The following KCNMA1 variants were observed in gnomAD, a reference collection of about 807,000 sequenced individuals.
KCNMA1 encodes the protein Calcium-activated potassium channel subunit alpha-1.
KCNMA1 carries 29 observed loss-of-function variants against 140.0 expected under a neutral mutation model. That is an observed-to-expected ratio of 0.21 (90% CI 0.15 to 0.28). The LOEUF is 0.28. Ranked by LOEUF, KCNMA1 falls within the 10% of genes least tolerant of loss-of-function variation. KCNMA1 has a pLI of 1.00. For synonymous variants in KCNMA1, 612 were observed against 611.9 expected, an observed-to-expected ratio of 1.00 and a Z score of 0.00; for missense variants, 880 against 1,602.2, an observed-to-expected ratio of 0.55 and a Z score of 7.70.
chr10:76,887,519 G>T lies in KCNMA1; in HGVS notation c.3462-4C>A, dbSNP rs201426208. Reference sequence around the variant, plus strand: ...GGGCGGGTTGGTGATGACATACCTGGACAGGGAAAGCAGAGATGTCACCTC... The same window carrying T: ...GGGCGGGTTGGTGATGACATACCTGTACAGGGAAAGCAGAGATGTCACCTC... On this transcript the variant is annotated splice_polypyrimidine_tract_variant and splice_region_variant and intron_variant, in intron 27 of 27. Transcript: ENST00000286628. 6.2e-7 allele frequency: 1 copy of T among 1,614,096 alleles called. No individual in the cohort carries two copies. The highest frequency in any genetic ancestry group is 8.5e-7 in the Non-Finnish European group (1 of 1,180,000).
At chr10:77,435,461 A>G (rs995521323) in intron 1 of KCNMA1, among the ~76,000 whole-genome samples, 1 of 152,218 alleles carries the variant, frequency 6.6e-6, no homozygotes, top group Non-Finnish European at 1.5e-5. Flanking sequence ...GGAGACAGGC[A>G]AGGGTTAAGA....
chr10:77,419,061 A>C (rs113648877), intron 1 of KCNMA1, among the ~76,000 whole-genome samples: 5,277 of 152,170 alleles, frequency 0.035, 285 homozygotes, highest in African/African-American at 0.12. Flanking sequence ...CCACACTCTC[A>C]CCTGAAGACC....
intron 1 of KCNMA1, among the ~76,000 whole-genome samples, chr10:77,461,862 A>C (rs1264131441): frequency 2.6e-5 from 4 of 152,164 alleles, no homozygotes; most frequent in African/African-American, 4.8e-5. Flanking sequence ...CCCAGGGGAC[A>C]TGTCCTGTTC....
chr10:77,415,393 G>T (rs1055631742), intron 1 of KCNMA1, among the ~76,000 whole-genome samples: 1 of 152,190 alleles, frequency 6.6e-6, no homozygotes, highest in African/African-American at 2.4e-5. Context: ...CCCTGGCAGG[G>T]TCCAAGACAG....
chr10:77,368,855 G>A (rs1285742198), intron 2 of KCNMA1, among the ~76,000 whole-genome samples: 1 of 152,110 alleles, frequency 6.6e-6, no homozygotes, highest in Non-Finnish European at 1.5e-5. Flanking sequence ...ATTTGTTGTA[G>A]GTCTATTTTT....
intron 13 of KCNMA1, among the ~76,000 whole-genome samples, chr10:77,076,313 C>T (rs551061646): frequency 3.9e-5 from 6 of 152,196 alleles, no homozygotes; most frequent in African/African-American, 1.2e-4. Context: ...AGGAGTGATA[C>T]TTTTCCAAGA....
At chr10:77,562,335 C>T (rs61856148) in intron 1 of KCNMA1, among the ~76,000 whole-genome samples, 2 of 152,190 alleles carry the variant, frequency 1.3e-5, no homozygotes, top group African/African-American at 4.8e-5. Flanking sequence ...TTTCCACACC[C>T]ATTGAAGGCG....
intron 2 of KCNMA1, among the ~76,000 whole-genome samples, chr10:77,366,758 T>C (rs2154406647): frequency 6.6e-6 from 1 of 152,344 alleles, no homozygotes; most frequent in Non-Finnish European, 1.5e-5. Context: ...CCCTATCTCC[T>C]GCATGGAGTG....
chr10:77,289,603 T>C (rs1772386771), intron 2 of KCNMA1, among the ~76,000 whole-genome samples: 1 of 152,244 alleles, frequency 6.6e-6, no homozygotes, highest in African/African-American at 2.4e-5. Flanking sequence ...ATAAAGGATG[T>C]ATATTTGCTT....
rs748023022 is a variant in KCNMA1, at chr10:76,887,235, C to T, written c.*31G>A. The T allele has an allele frequency of 1.2e-6, 2 of 1,613,898 alleles. No individual in the cohort carries two copies. The highest frequency in any genetic ancestry group is 1.1e-5 in the South Asian group (1 of 90,938). On this transcript the variant is annotated 3_prime_UTR_variant, in exon 28 of 28. Transcript: ENST00000286628. ...CAACTGGGGAAATGAGTGGCAGATA[C>T]AGTTTCACACAGTGGCGGTGGATAC... is the stretch of plus-strand genomic sequence containing the variant.
rs149750236 is a variant in KCNMA1, at chr10:77,183,428, A to G, written c.801T>C (p.Ser267=). The G allele has an allele frequency of 1.2e-6, 2 of 1,610,884 alleles. No individual in the cohort carries two copies. Among genetic ancestry groups the G allele is most frequent in the Non-Finnish European group, 1.7e-6 (2 of 1,177,254 alleles). ...PVFVSVYLNR[S]WLGLRFLRAL... Reference sequence around the variant, plus strand: ...AAAGAGAGGCTGACTTACCAAGCCAACTTCTGTTTAAGTACACAGACACAA... The same window carrying G: ...AAAGAGAGGCTGACTTACCAAGCCAGCTTCTGTTTAAGTACACAGACACAA... Residue 267 remains serine (S), a synonymous_variant, in exon 5 of 28, where the codon AGT becomes AGC. Coordinates refer to ENST00000286628, the MANE Select transcript of KCNMA1 (RefSeq NM_001161352.2).
intron 1 of KCNMA1, among the ~76,000 whole-genome samples, chr10:77,573,325 T>C (rs1183211114): frequency 2.6e-5 from 4 of 152,082 alleles, no homozygotes; most frequent in African/African-American, 9.7e-5. Flanking sequence ...GCGGTGGGGA[T>C]GTGTAGGCAT....
intron 1 of KCNMA1, among the ~76,000 whole-genome samples, chr10:77,404,664 G>A (rs754997558): frequency 5.9e-5 from 9 of 152,142 alleles, no homozygotes; most frequent in African/African-American, 9.7e-5. Flanking sequence ...TGTGGTCTTT[G>A]CCTACCCAGC....
intron 1 of KCNMA1, among the ~76,000 whole-genome samples, chr10:77,483,818 T>C (rs2098430882): frequency 6.6e-6 from 1 of 152,190 alleles, no homozygotes; most frequent in Non-Finnish European, 1.5e-5. Flanking sequence ...AGGAGGCAAT[T>C]TATTTGCTGT....
intron 25 of KCNMA1, among the ~76,000 whole-genome samples, chr10:76,907,360 A>T (rs1293603053): frequency 6.6e-6 from 1 of 152,184 alleles, no homozygotes; most frequent in East Asian, 1.9e-4. Context: ...GTGCAACTCA[A>T]ATCCAGATGG....
intron 24 of KCNMA1, chr10:76,913,398 T>A (rs116555844): frequency 0.022 from 3,397 of 152,328 alleles, 107 homozygotes; most frequent in African/African-American, 0.065. Flanking sequence ...TGGGCTGGGA[T>A]TGGGGGCCAG....
At chr10:77,484,464 T>C (rs571034269) in intron 1 of KCNMA1, among the ~76,000 whole-genome samples, 1 of 152,266 alleles carries the variant, frequency 6.6e-6, no homozygotes, top group African/African-American at 2.4e-5. Context: ...CTCTGCACAG[T>C]GCTAAGCACT....
intron 25 of KCNMA1, among the ~76,000 whole-genome samples, chr10:76,894,373 T>C (rs1025100890): frequency 3.3e-5 from 5 of 152,136 alleles, no homozygotes; most frequent in African/African-American, 1.2e-4. Flanking sequence ...AACTGCAAAA[T>C]GCTTAGAAGA....
intron 5 of KCNMA1, among the ~76,000 whole-genome samples, chr10:77,125,461 G>A (rs991458775): frequency 6.6e-6 from 1 of 152,176 alleles, no homozygotes; most frequent in Admixed American, 6.5e-5. Flanking sequence ...CTGGAATGCT[G>A]TTTGCCAGAT....
Sources: allele counts gnomAD v4.1 joint callset (sites outside exome capture counted in the v4.1 genomes callset), GRCh38; gene constraint gnomAD v4.1.1; transcripts MANE v1.5; gene names NCBI Gene and HGNC (gene_info 2026-07-23, HGNC 2026-07-21).